Variants in DCBLD2 observed in about 807,000 individuals in gnomAD.
The protein encoded by DCBLD2 is discoidin, CUB and LCCL domain containing 2.
Under a neutral mutation model 86.8 loss-of-function variants are expected in DCBLD2, and 54 were observed. That is an observed-to-expected ratio of 0.62 (90% confidence interval 0.50 to 0.78). The LOEUF is 0.78. Ranked by LOEUF, DCBLD2 falls within the 30% of genes least tolerant of loss-of-function variation. The pLI, the probability that DCBLD2 is intolerant of heterozygous loss-of-function variation, is 0.00. For synonymous variants in DCBLD2, 354 were observed against 341.3 expected (o/e 1.04, Z -0.41); for missense variants, 908 against 954.2 (o/e 0.95, Z 0.64).
chr3:98,799,572 G>C lies in DCBLD2; in HGVS notation c.2128C>G (p.Pro710Ala), dbSNP rs1941677137. ...AGTGTATTGTAAGTTCCCACTAGTG[G>C]GGGAGGTTGGTTCCCCGTAGCCTTG... ...TFKATGNQPP[P>A]LVGTYNTLLS... The change falls in exon 16 of 16, where the codon CCA (proline) becomes GCA (alanine). Residue 710 changes from proline (P) to alanine (A), a missense_variant. Physicochemically the swap from Pro to Ala is conservative, Grantham distance 27. Transcript: ENST00000326840. 1 of 1,613,842 alleles carries C rather than the reference G, an allele frequency of 6.2e-7. No homozygotes were observed. Among genetic ancestry groups the C allele is most frequent in the Admixed American group, 1.7e-5 (1 of 59,996 alleles).
intron 2 of DCBLD2, among the ~76,000 whole-genome samples, chr3:98,873,897 G>A (rs1943321032): frequency 6.6e-6 from 1 of 152,110 alleles, no homozygotes; most frequent in African/African-American, 2.4e-5. Context: ...GAAATGACAG[G>A]AGGTAAATAA....
rs747587294 is a variant in DCBLD2 at position 98,881,698 on chromosome 3, G to T, written c.275C>A (p.Thr92Asn). Residue 92 changes from threonine to asparagine, a missense_variant, in exon 2 of 16, where the codon ACC becomes AAC. Thr to Asn is a moderately conservative substitution (Grantham distance 65). Transcript: ENST00000326840. ...TTCACAAACAGTGCTGTTGGGATAG[G>T]TCTGTGGGTAGTTTATGGATGTAAG... The part of the protein sequence containing the change: ...GTLTSINYPQ[T>N]YPNSTVCEWE... 1 of 1,613,858 alleles carries T rather than the reference G, an allele frequency of 6.2e-7. No individual in the cohort carries two copies. Among genetic ancestry groups the T allele is most frequent in the Non-Finnish European group, 8.5e-7 (1 of 1,179,872 alleles).
chr3:98,830,943 G>C (rs1942309969), intron 3 of DCBLD2, among the ~76,000 whole-genome samples: 1 of 152,224 alleles, frequency 6.6e-6, no homozygotes, highest in Admixed American at 6.5e-5. Flanking sequence ...CTGTTGTAGA[G>C]ATCATTCACC....
chr3:98,824,457 G>T (rs9867586), intron 4 of DCBLD2, among the ~76,000 whole-genome samples: 54,597 of 151,806 alleles, frequency 0.36, 9,927 homozygotes, highest in Non-Finnish European at 0.38. Context: ...CCCAGCTAAC[G>T]TCCCCCTCAA....
At chr3:98,878,278 T>C (rs1210149848) in intron 2 of DCBLD2, among the ~76,000 whole-genome samples, 1 of 152,196 alleles carries the variant, frequency 6.6e-6, no homozygotes, top group Non-Finnish European at 1.5e-5. Context: ...ATCAATCTCA[T>C]GTGCCATGAT....
chr3:98,820,036 A>C (rs989400168), intron 7 of DCBLD2, among the ~76,000 whole-genome samples: 1 of 152,194 alleles, frequency 6.6e-6, no homozygotes, highest in African/African-American at 2.4e-5. Flanking sequence ...ATCTTTCTTA[A>C]GGAACCTTCC....
At chr3:98,854,349 C>T (rs962264674) in intron 2 of DCBLD2, among the ~76,000 whole-genome samples, 3 of 152,078 alleles carry the variant, frequency 2.0e-5, no homozygotes, top group Non-Finnish European at 4.4e-5. Flanking sequence ...ACAAATTAAC[C>T]CCCTGCTTGG....
intron 2 of DCBLD2, among the ~76,000 whole-genome samples, chr3:98,877,102 C>G (rs1190923422): frequency 6.6e-6 from 1 of 152,108 alleles, no homozygotes; most frequent in Non-Finnish European, 1.5e-5. Context: ...TGTCACTTAT[C>G]TACCTTTTTG....
intron 3 of DCBLD2, among the ~76,000 whole-genome samples, chr3:98,837,079 G>A (rs1414801228): frequency 1.0e-3 from 19 of 18,326 alleles, no homozygotes; most frequent in South Asian, 2.1e-3. Context: ...CCCGGACGGG[G>A]CGGCTGGCCG....
rs1274522524 is a variant in DCBLD2, at chr3:98,799,060, T to G, written c.*312A>C. 4.3e-6 allele frequency: 1 copy of G among 231,088 alleles called. No individual in the cohort carries two copies. The highest frequency in any genetic ancestry group is 2.3e-5 in the African/African-American group (1 of 43,518). The allele number at this position is 231,088 out of a possible 1,614,324, so 14.3% of individuals were successfully genotyped here. A position where few individuals can be genotyped will look rare whatever the true frequency, so the allele number is the denominator to read the frequency against. On this transcript the variant is annotated 3_prime_UTR_variant, in exon 16 of 16. Coordinates refer to ENST00000326840, the MANE Select transcript of DCBLD2 (RefSeq NM_080927.4). ...GAGTTCATTAATGTACCTGCAGCATTGGTAATAAATACTCTGTGATTTTTA... is the reference window on the plus strand; with the variant it reads ...GAGTTCATTAATGTACCTGCAGCATGGGTAATAAATACTCTGTGATTTTTA...
intron 1 of DCBLD2, among the ~76,000 whole-genome samples, chr3:98,896,853 A>T (rs1409201858): frequency 6.6e-6 from 1 of 152,166 alleles, no homozygotes; most frequent in Admixed American, 6.5e-5. Flanking sequence ...GCTTTTCCTC[A>T]TCCTTCTACT....
chr3:98,827,397 A>G (rs1469591436), intron 3 of DCBLD2, among the ~76,000 whole-genome samples: 1 of 152,360 alleles, frequency 6.6e-6, no homozygotes, highest in African/African-American at 2.4e-5. Flanking sequence ...ATGGCACTTA[A>G]ACCACAAGAA....
At chr3:98,810,886 T>C (rs138073585) in intron 12 of DCBLD2, among the ~76,000 whole-genome samples, 17 of 152,272 alleles carry the variant, frequency 1.1e-4, no homozygotes, top group Non-Finnish European at 2.4e-4. Flanking sequence ...CAGTTATTTC[T>C]AGAAAATATT....
At chr3:98,831,337 T>C (rs1271496783) in intron 3 of DCBLD2, among the ~76,000 whole-genome samples, 1 of 152,062 alleles carries the variant, frequency 6.6e-6, no homozygotes, top group Non-Finnish European at 1.5e-5. Context: ...AGGCATGAGC[T>C]ACCGCTCTTG....
chr3:98,839,156 TTTC>T (rs1406657806), intron 3 of DCBLD2, among the ~76,000 whole-genome samples: 3 of 86,074 alleles, frequency 3.5e-5, no homozygotes, highest in African/African-American at 1.4e-4. Flanking sequence ...TCTTTCTTTC[TTTC>T]TTTCTTTCTT....
intron 2 of DCBLD2, among the ~76,000 whole-genome samples, chr3:98,866,190 A>G (rs2107505683): frequency 6.6e-6 from 1 of 152,282 alleles, no homozygotes; most frequent in Non-Finnish European, 1.5e-5. Flanking sequence ...GTGTCTTTAT[A>G]GCAGCATGAT....
Position 98,870,810 on chromosome 3 carries a change from A to AAAGAAAGAAAGAAAGAAAGAAAGG in DCBLD2, c.433+10729_433+10730insCCTTTCTTTCTTTCTTTCTTTCTT, listed in dbSNP as rs760385201. Among the ~76,000 whole-genome samples, 103 of 131,624 alleles carry AAAGAAAGAAAGAAAGAAAGAAAGG rather than the reference A, an allele frequency of 7.8e-4. 1 individual carries two copies. The highest frequency in any genetic ancestry group is 2.0e-3 in the African/African-American group (70 of 34,714). The allele number at this position is 131,624 out of a possible 152,430, so 86.4% of individuals were successfully genotyped here. ...GAAAGAAAGAAAGAAAGAAAGAAAG[A>AAAGAAAGAAAGAAAGAAAGAAAGG]AAGGTAGGCAGGCATTGGTGGTATT... is the stretch of plus-strand genomic sequence containing the variant. On this transcript the variant is annotated intron_variant, in intron 2 of 15. Coordinates refer to ENST00000326840, the MANE Select transcript of DCBLD2 (RefSeq NM_080927.4).
chr3:98,803,866 G>A (rs1471176161), intron 13 of DCBLD2, among the ~76,000 whole-genome samples: 1 of 152,168 alleles, frequency 6.6e-6, no homozygotes, highest in African/African-American at 2.4e-5. Flanking sequence ...TGCATATGTT[G>A]AACCAGCCTG....
intron 3 of DCBLD2, among the ~76,000 whole-genome samples, chr3:98,846,015 A>G (rs1244135220): frequency 4.6e-5 from 7 of 152,188 alleles, no homozygotes; most frequent in Admixed American, 1.3e-4. Context: ...TAATCGTTTA[A>G]TATCTTTTTC....
Sources: allele counts gnomAD v4.1 joint callset (sites outside exome capture counted in the v4.1 genomes callset), GRCh38; gene constraint gnomAD v4.1.1; transcripts MANE v1.5; gene names NCBI Gene and HGNC (gene_info 2026-07-23, HGNC 2026-07-21).